AKR1C4: variants seen among roughly 807,000 people sequenced by gnomAD.
AKR1C4 encodes 3-alpha-HSD1.
AKR1C4 carries 44 observed loss-of-function variants against 41.0 expected under a neutral mutation model. The ratio of observed to expected loss-of-function variants is 1.07; its 90% CI spans 0.84 to 1.38. The LOEUF is 1.38. Among genes scored for constraint, AKR1C4 ranks in the 40% most tolerant of loss-of-function variants. The pLI, the probability that AKR1C4 is intolerant of heterozygous loss-of-function variation, is 0.00. For missense variants in AKR1C4, 438 were observed against 387.9 expected, an observed-to-expected ratio of 1.13 and a Z score of -1.09; for synonymous variants, 165 against 137.7, an observed-to-expected ratio of 1.20 and a Z score of -1.39.
chr10:5,201,836 A>G (rs1406775233), intron 2 of AKR1C4, among the ~76,000 whole-genome samples: 2 of 152,198 alleles, frequency 1.3e-5, no homozygotes, highest in African/African-American at 2.4e-5. Context: ...GTGGCTTAAC[A>G]GTTGTCCCAG....
intron 3 of AKR1C4, among the ~76,000 whole-genome samples, chr10:5,205,351 CT>C (rs1280301789): frequency 1.3e-5 from 2 of 152,172 alleles, no homozygotes; most frequent in Non-Finnish European, 2.9e-5. Flanking sequence ...TATGATCCTG[CT>C]CATGGACTAT....
intron 2 of AKR1C4, among the ~76,000 whole-genome samples, chr10:5,202,309 GGTT>G (rs1260768760): frequency 1.3e-5 from 2 of 152,130 alleles, no homozygotes; most frequent in African/African-American, 4.8e-5. Flanking sequence ...CTCTCAACAT[GGTT>G]GTTGTTGGTG....
rs782317125 is a variant in AKR1C4, at chr10:5,204,382, G to A, written c.258G>A (p.Trp86Ter). The A allele has an allele frequency of 1.9e-6, 3 of 1,611,680 alleles. No homozygotes were observed. The highest frequency in any genetic ancestry group is 8.5e-7 in the Non-Finnish European group (1 of 1,178,150). Residue 86 changes from tryptophan (W) to a stop codon, truncating the protein, a stop_gained, in exon 3 of 9, where the codon TGG (tryptophan) becomes TGA (stop). Transcript: ENST00000263126. LOFTEE classifies it high-confidence loss of function. ...REDIFYTSKL[W>*]CTFFQPQMVQ... ...TCCTTTATTTTACCATGCAGCTTTG[G>A]TGCACTTTCTTTCAACCACAGATGG...
intron 7 of AKR1C4, among the ~76,000 whole-genome samples, chr10:5,215,321 CAAATATAG>C (rs1390837877): frequency 6.6e-6 from 1 of 151,780 alleles, no homozygotes; most frequent in African/African-American, 2.4e-5. Flanking sequence ...GTCATGGGGG[CAAATATAG>C]AAATATAGAA....
intron 7 of AKR1C4, among the ~76,000 whole-genome samples, chr10:5,215,116 A>T (rs1832636177): frequency 6.6e-6 from 1 of 152,226 alleles, no homozygotes. Flanking sequence ...GATACTAGAG[A>T]TGAAATAAAG....
At chr10:5,206,254 T>G in intron 4 of AKR1C4, 21 bp from the exon 5 acceptor site, 1 of 1,613,918 alleles carries the variant, frequency 6.2e-7, no homozygotes, top group Non-Finnish European at 8.5e-7. Flanking sequence ...AAATAATTCC[T>G]CACAACCCCT....
chr10:5,217,792 A>C (rs1371909059), intron 8 of AKR1C4, among the ~76,000 whole-genome samples: 2 of 152,162 alleles, frequency 1.3e-5, no homozygotes, highest in Non-Finnish European at 2.9e-5. Flanking sequence ...AAGAGTTGGA[A>C]AGTCCCATCT....
At chr10:5,217,072 A>T (rs1356027524) in intron 8 of AKR1C4, among the ~76,000 whole-genome samples, 1 of 152,280 alleles carries the variant, frequency 6.6e-6, no homozygotes, top group Admixed American at 6.5e-5. Context: ...TGCAACTTTC[A>T]TGTAGGCCTG....
intron 7 of AKR1C4, 55 bp from the exon 8 acceptor site, chr10:5,216,656 T>G: frequency 7.3e-7 from 1 of 1,364,668 alleles, no homozygotes; most frequent in South Asian, 1.2e-5. Context: ...TACTTGGCTA[T>G]TCCAAGTTGA....
chr10:5,218,739 T>C lies in AKR1C4; in HGVS notation c.951T>C (p.Tyr317=), dbSNP rs782208603. ...VMDFLMDHPD[Y]PFSDEY Reference sequence around the variant, plus strand: ...TCAGTCTTATGGACCATCCTGATTATCCATTTTCAGATGAATATTAGCATA... The same window carrying C: ...TCAGTCTTATGGACCATCCTGATTACCCATTTTCAGATGAATATTAGCATA... Residue 317 remains tyrosine (Y), a synonymous_variant, in exon 9 of 9, where the codon TAT becomes TAC. Transcript: ENST00000263126. The C allele has an allele frequency of 1.4e-5, 22 of 1,604,376 alleles. No individual in the cohort carries two copies. The highest frequency in any genetic ancestry group is 2.7e-5 in the African/African-American group (2 of 74,736).
Position 5,218,708 on chromosome 10 carries a change from C to G in AKR1C4, c.930-10C>G. 6.3e-7 allele frequency: 1 copy of G among 1,584,642 alleles called. No individual in the cohort carries two copies. The highest frequency in any genetic ancestry group is 8.7e-7 in the Non-Finnish European group (1 of 1,153,110). On this transcript the variant is annotated splice_polypyrimidine_tract_variant and intron_variant, in intron 8 of 8. Transcript: ENST00000263126. ...CATCCATATTTATGTACTATCCTTTCTCTTTTCAGTCTTATGGACCATCCT... is the reference window on the plus strand; with the variant it reads ...CATCCATATTTATGTACTATCCTTTGTCTTTTCAGTCTTATGGACCATCCT...
At chr10:5,209,229 G>T (rs1246219769) in intron 5 of AKR1C4, among the ~76,000 whole-genome samples, 1 of 152,028 alleles carries the variant, frequency 6.6e-6, no homozygotes, top group Non-Finnish European at 1.5e-5. Flanking sequence ...TAATCTGCTG[G>T]GTGAAATAAG....
At chr10:5,210,081 G>A (rs1554797784) in intron 5 of AKR1C4, among the ~76,000 whole-genome samples, 1 of 152,136 alleles carries the variant, frequency 6.6e-6, no homozygotes, top group African/African-American at 2.4e-5. Context: ...ACAGGCATTG[G>A]GCAAATACAG....
rs1832379026 is a variant in AKR1C4, at chr10:5,200,291, C to T, written c.195C>T (p.Ile65=). ...ATGAGGAGCAGGTTGGACTGGCCAT[C>T]CGAAGCAAGATTGCAGATGGCAGTG... ...YNNEEQVGLA[I]RSKIADGSVK... The change falls in exon 2 of 9, where the codon ATC becomes ATT. Residue 65 remains isoleucine (I), a synonymous_variant. Coordinates refer to ENST00000263126, the MANE Select transcript of AKR1C4 (RefSeq NM_001818.5). 1 of 1,614,044 alleles carries T rather than the reference C, an allele frequency of 6.2e-7. No individual in the cohort carries two copies. Among genetic ancestry groups the T allele is most frequent in the South Asian group, 1.1e-5 (1 of 91,090 alleles).
At chr10:5,206,824 G>T (rs935191534) in intron 5 of AKR1C4, among the ~76,000 whole-genome samples, 2 of 151,608 alleles carry the variant, frequency 1.3e-5, no homozygotes, top group Admixed American at 1.3e-4. Flanking sequence ...AGAGAAGATC[G>T]GTACTACGGG....
At position 5,206,185 on chromosome 10, in the gene AKR1C4, A is replaced by AAC. The variant is rs1832481782; in HGVS notation, c.448-88_448-87dup. 4 of 1,583,808 alleles carry AAC rather than the reference A, an allele frequency of 2.5e-6. No homozygotes were observed. The South Asian group carries it at 4.6e-5, about 18-fold the overall frequency. Reference sequence around the variant, plus strand: ...ACTGCTATTTTCATTGTCATATCTTAACAGTTGTTGCTTTAACAGTTCTGT... The same window carrying AAC: ...ACTGCTATTTTCATTGTCATATCTTAACACAGTTGTTGCTTTAACAGTTCTGT... On this transcript the variant is annotated intron_variant, in intron 4 of 8. Transcript: ENST00000263126.
intron 7 of AKR1C4, among the ~76,000 whole-genome samples, 158 bp from the exon 8 acceptor site, chr10:5,216,553 T>C (rs1397465036): frequency 6.6e-6 from 1 of 152,228 alleles, no homozygotes; most frequent in East Asian, 1.9e-4. Flanking sequence ...TCTGATATTC[T>C]TTAATCACTT....
intron 5 of AKR1C4, among the ~76,000 whole-genome samples, chr10:5,209,456 T>C (rs192717435): frequency 6.6e-6 from 1 of 152,212 alleles, no homozygotes; most frequent in African/African-American, 2.4e-5. Context: ...TGCTCTCAGA[T>C]ATGCCAAAAG....
rs183087518 is a variant in AKR1C4 at position 5,218,798 on chromosome 10, G to C, written c.*38G>C. 8.9e-6 allele frequency: 14 copies of C among 1,564,968 alleles called. No individual in the cohort carries two copies. Among genetic ancestry groups the C allele is most frequent in the East Asian group, 2.2e-5 (1 of 44,594 alleles). ...TGCACGACATCTAGCAGAAGGCCCT[G>C]TGTGTGGATGGTGATGCAGAGGATG... On this transcript the variant is annotated 3_prime_UTR_variant, in exon 9 of 9. Transcript: ENST00000263126.
Sources: gnomAD v4.1 joint callset for allele counts (sites outside exome capture counted in the v4.1 genomes callset) on GRCh38, gnomAD v4.1.1 for gene constraint, MANE v1.5 for transcripts, NCBI Gene and HGNC (gene_info 2026-07-23, HGNC 2026-07-21) for gene names.